Variants in OPLAH observed in about 807,000 individuals in gnomAD.
The protein encoded by OPLAH is 5-oxoprolinase, ATP-hydrolysing, also known as 5-oxoprolinase.
A neutral mutation model predicts 122.8 loss-of-function variants in OPLAH; 103 were observed. That is an observed-to-expected ratio of 0.84 (90% CI 0.71 to 0.99). The LOEUF is 0.99. Among genes scored for constraint, OPLAH ranks in the 50% least tolerant of loss-of-function variants. The pLI is 0.00. For missense variants in OPLAH, 1,902 were observed against 1,836.5 expected, an observed-to-expected ratio of 1.04 and a Z score of -0.65; for synonymous variants, 875 against 796.0, an observed-to-expected ratio of 1.10 and a Z score of -1.67.
At position 144,052,007 on chromosome 8, in the gene OPLAH, G is replaced by A; in HGVS notation, c.3531C>T (p.Gly1177=). The part of the protein sequence containing the change: ...GSGGRGRFRG[G]DGVTRELLFR... Reference sequence around the variant, plus strand: ...AGAGCAGCTCGCGGGTGACGCCGTCGCCGCCTCGGAAGCGGCCTCTGCCCC... The same window carrying A: ...AGAGCAGCTCGCGGGTGACGCCGTCACCGCCTCGGAAGCGGCCTCTGCCCC... The change falls in exon 25 of 27, where the codon GGC becomes GGT. Residue 1177 remains glycine, a synonymous_variant. Coordinates refer to ENST00000618853, the MANE Select transcript of OPLAH (RefSeq NM_017570.5). The A allele has an allele frequency of 3.1e-6, 5 of 1,587,606 alleles. No homozygotes were observed. The highest frequency in any genetic ancestry group is 3.4e-6 in the Non-Finnish European group (4 of 1,175,390).
chr8:144,055,018 G>A lies in OPLAH; in HGVS notation c.2409+11C>T. ...GAGGGGGATGGAAGGGTGAGGCGGG[G>A]GAAGGGCCACCTGGAACTGCACCGT... On this transcript the variant is annotated intron_variant, in intron 17 of 26. Coordinates refer to ENST00000618853, the MANE Select transcript of OPLAH (RefSeq NM_017570.5). This position sits in a 1 kb window ranked among gnomAD's most constrained non-coding sequence, Gnocchi z 6.5. 2 of 1,464,942 alleles carry A rather than the reference G, an allele frequency of 1.4e-6. No individual in the cohort carries two copies. The highest frequency in any genetic ancestry group is 1.4e-5 in the South Asian group (1 of 72,558). 90.7% of individuals were successfully genotyped at this position (1,464,942 alleles called of 1,614,324 possible). A position where few individuals can be genotyped will look rare whatever the true frequency, so the allele number is the denominator to read the frequency against.
intron 3 of OPLAH, among the ~76,000 whole-genome samples, chr8:144,059,296 A>G (rs955224093): frequency 2.6e-5 from 4 of 152,188 alleles, no homozygotes; most frequent in South Asian, 2.1e-4. Flanking sequence ...CCACGAAGGC[A>G]GCTTCTTCCG....
In OPLAH at chr8:144,052,051, C is replaced by G. The variant is rs1406823844; in HGVS notation, c.3487G>C (p.Glu1163Gln). ...SRYPVILRRF[E>Q]LRRGSGGRGR... Reference sequence around the variant, plus strand: ...CTGCCCCCCGAGCCCCGCCGCAGCTCGAAGCGGCGCAGGATGACCGGGTAC... The same window carrying G: ...CTGCCCCCCGAGCCCCGCCGCAGCTGGAAGCGGCGCAGGATGACCGGGTAC... Residue 1163 changes from glutamate (E) to glutamine (Q), a missense_variant, in exon 25 of 27, where the codon GAG (glutamate) becomes CAG (glutamine). Glu to Gln is a conservative substitution (Grantham distance 29, BLOSUM62 2). Around this residue, in one of 3 missense-constraint regions of OPLAH, gnomAD observed 1,726 missense variants for 1,642.1 expected, o/e 1.05. Transcript: ENST00000618853. 1 of 1,588,218 alleles carries G rather than the reference C, an allele frequency of 6.3e-7. No individual in the cohort carries two copies. Among genetic ancestry groups the G allele is most frequent in the African/African-American group, 1.4e-5 (1 of 73,522 alleles).
rs1554759817 is a variant in OPLAH, at chr8:144,058,074, G to A, written c.1024C>T (p.Leu342Phe). ...VFEASTAGVT[L>F]QAPQLDINTV... ...TTGATGTCCAGCTGCGGGGCCTGGA[G>A]GGTGACGCCAGCTGTGCTGGCCTCG... The change falls in exon 8 of 27, where the codon CTC becomes TTC. Residue 342 changes from leucine to phenylalanine, a missense_variant. Around this residue, in one of 3 missense-constraint regions of OPLAH, gnomAD observed 1,726 missense variants for 1,642.1 expected, o/e 1.05. Coordinates refer to ENST00000618853, the MANE Select transcript of OPLAH (RefSeq NM_017570.5). 6.2e-7 allele frequency: 1 copy of A among 1,612,496 alleles called. No homozygotes were observed. The highest frequency in any genetic ancestry group is 2.2e-5 in the East Asian group (1 of 44,870).
Position 144,057,631 on chromosome 8 carries a change from T to C in OPLAH, c.1239A>G (p.Gly413=), listed in dbSNP as rs1554759663. Residue 413 remains glycine, a synonymous_variant, in exon 10 of 27, where the codon GGA becomes GGG. Transcript: ENST00000618853. ...CCTCAGGGGAAAGTGGTTGGTTCTCTCCCGGCCCAAAAATGCAGGGGAAGG... is the reference window on the plus strand; with the variant it reads ...CCTCAGGGGAAAGTGGTTGGTTCTCCCCCGGCCCAAAAATGCAGGGGAAGG... ...PASFPCIFGP[G]ENQPLSPEAS... is the part of the protein sequence containing the mutation. 1 of 1,601,666 alleles carries C rather than the reference T, an allele frequency of 6.2e-7. No homozygotes were observed. The highest frequency in any genetic ancestry group is 1.1e-5 in the South Asian group (1 of 89,668).
At chr8:144,054,180 G>A (rs533552818) in intron 19 of OPLAH, among the ~76,000 whole-genome samples, 1 of 152,014 alleles carries the variant, frequency 6.6e-6, no homozygotes, top group African/African-American at 2.4e-5. Context: ...CCTAGGCCCA[G>A]AAAACTCTAC....
downstream of OPLAH, chr8:144,050,633 C>A: frequency 1.0e-6 from 1 of 985,496 alleles, no homozygotes; most frequent in Non-Finnish European, 1.2e-6. Flanking sequence ...CCCTGGGTAT[C>A]GCGCTTGGGG....
intron 22 of OPLAH, 50 bp downstream of exon 22, chr8:144,052,716 C>T: frequency 6.5e-7 from 1 of 1,550,334 alleles, no homozygotes; most frequent in Non-Finnish European, 8.7e-7. Flanking sequence ...GAGGCGCACT[C>T]AGGGTGACCT....
chr8:144,052,667 G>A (rs1835413071), intron 22 of OPLAH, 69 bp from the exon 23 acceptor site: 5 of 1,531,554 alleles, frequency 3.3e-6, no homozygotes, highest in African/African-American at 1.4e-5. Context: ...CCCACCCCCC[G>A]CCCCAGCACC....
chr8:144,057,581 ACAGCCTCCAGGGCTTTGCGGGAGGCCT>A lies in OPLAH; in HGVS notation c.1262_1288del (p.Glu421_Ala429del). 1 of 1,582,964 alleles carries A rather than the reference ACAGCCTCCAGGGCTTTGCGGGAGGCCT, an allele frequency of 6.3e-7. No homozygotes were observed. The highest frequency in any genetic ancestry group is 8.6e-7 in the Non-Finnish European group (1 of 1,164,154). On this transcript the variant is annotated inframe_deletion, in exon 10 of 27. Transcript: ENST00000618853. ...CAGGAAGCTGTTGACCTCAGTGGCC[ACAGCCTCCAGGGCTTTGCGGGAGGCCT>A]CAGGGGAAAGTGGTTGGTTCTCTCC...
chr8:144,061,553 C>G (rs1443968299), upstream of OPLAH, among the ~76,000 whole-genome samples: 1 of 151,892 alleles, frequency 6.6e-6, no homozygotes, highest in Non-Finnish European at 1.5e-5. Flanking sequence ...TCTGATAAAA[C>G]AGGTTGCAGT....
rs1465270149 is a variant in OPLAH at position 144,058,513 on chromosome 8, A to C, written c.766T>G (p.Phe256Val). ...QRYVQGFCRGFQGQLKDVQVL... is the reference protein window; with the variant it reads ...QRYVQGFCRGVQGQLKDVQVL... ...AGCCTCACCTTGAGTTGGCCCTGGA[A>C]GCCACGGCAGAAGCCCTGCACGTAG... The change falls in exon 6 of 27, where the codon TTC becomes GTC. Residue 256 changes from phenylalanine (F) to valine (V), a missense_variant. By Grantham distance (50) the Phe-to-Val change is conservative. Around this residue, in one of 3 missense-constraint regions of OPLAH, gnomAD observed 1,726 missense variants for 1,642.1 expected, o/e 1.05. Transcript: ENST00000618853. The C allele has an allele frequency of 6.3e-7, 1 of 1,584,896 alleles. No homozygotes were observed. The highest frequency in any genetic ancestry group is 1.7e-5 in the Admixed American group (1 of 59,004).
chr8:144,060,975 A>G (rs1295815112), upstream of OPLAH, among the ~76,000 whole-genome samples: 2 of 152,202 alleles, frequency 1.3e-5, no homozygotes, highest in Non-Finnish European at 2.9e-5. Context: ...CTGGCAGCCC[A>G]GGCCACAACA....
rs983001995 is a variant in OPLAH at position 144,056,402 on chromosome 8, G to A, written c.1966C>T (p.Pro656Ser). 1 of 1,606,442 alleles carries A rather than the reference G, an allele frequency of 6.2e-7. No individual in the cohort carries two copies. Among genetic ancestry groups the A allele is most frequent in the African/African-American group, 1.3e-5 (1 of 74,916 alleles). The change falls in exon 14 of 27, where the codon CCT becomes TCT. Residue 656 changes from proline (P) to serine (S), a missense_variant. By Grantham distance (74) the Pro-to-Ser change is moderately conservative (BLOSUM62 -1). Coordinates refer to ENST00000618853, the MANE Select transcript of OPLAH (RefSeq NM_017570.5). ...CCACCAACCTTGTCCACCCGGGGAG[G>A]CCCGGTCTGGGCTTTGGGGGCATCC... ...LEDAPKAQTGPPRVDKMTQCY... is the reference protein window; with the variant it reads ...LEDAPKAQTGSPRVDKMTQCY...
At chr8:144,057,387 A>C in intron 10 of OPLAH, 61 bp downstream of exon 10, 2 of 1,582,884 alleles carry the variant, frequency 1.3e-6, no homozygotes, top group South Asian at 2.3e-5. Flanking sequence ...CCTGAGCAGG[A>C]GGCCTGGGGC....
rs117389174 is a variant in OPLAH at position 144,059,856 on chromosome 8, G to T, written c.171+6C>A. The T allele has an allele frequency of 6.6e-3, 10,570 of 1,612,536 alleles. 45 individuals are homozygous for T. The highest frequency in any genetic ancestry group is 9.4e-3 in the Middle Eastern group (57 of 6,060). On this transcript the variant is annotated splice_donor_region_variant and intron_variant, in intron 2 of 26. Transcript: ENST00000618853. ...GTCCCTGTCCACCCGCTCCGCCCTG[G>T]CCCACCTGCTCCAGGATGCGGCGGA...
chr8:144,052,368 C>A, intron 23 of OPLAH, 42 bp from the exon 24 acceptor site: 1 of 1,510,094 alleles, frequency 6.6e-7, no homozygotes, highest in South Asian at 1.2e-5. Context: ...TGGGGCAGGG[C>A]GTCCCCACCT....
chr8:144,059,932 T>C lies in OPLAH; in HGVS notation c.101A>G (p.Lys34Arg). Reference protein sequence around the residue: ...QCPGGHVRVLKLLSEDPANYA... With the variant: ...QCPGGHVRVLRLLSEDPANYA... ...GTTGGCAGGGTCCTCTGAGAGCAGTTTTAAGACCCGCACGTGCCCCCCTGG... is the reference window on the plus strand; with the variant it reads ...GTTGGCAGGGTCCTCTGAGAGCAGTCTTAAGACCCGCACGTGCCCCCCTGG... Residue 34 changes from lysine to arginine, a missense_variant, in exon 2 of 27, where the codon AAA (lysine) becomes AGA (arginine). Lys to Arg is a conservative substitution (Grantham distance 26). Transcript: ENST00000618853. 6.2e-7 allele frequency: 1 copy of C among 1,612,774 alleles called. No individual in the cohort carries two copies. Among genetic ancestry groups the C allele is most frequent in the South Asian group, 1.1e-5 (1 of 91,088 alleles).
chr8:144,050,477 G>A (rs1361502821), downstream of OPLAH: 15 of 985,470 alleles, frequency 1.5e-5, no homozygotes, highest in Non-Finnish European at 1.7e-5. Context: ...GGAGAGGAGG[G>A]CGAGGAGGGG....
Sources: gnomAD v4.1 joint callset for allele counts (sites outside exome capture counted in the v4.1 genomes callset) on GRCh38, gnomAD v4.1.1 for gene constraint, gnomAD v4.1.1 regional missense constraint, Gnocchi (gnomAD v3.1) non-coding constraint, MANE v1.5 for transcripts, NCBI Gene and HGNC (gene_info 2026-07-23, HGNC 2026-07-21) for gene names.